The following LRRC8C variants were observed in gnomAD, a reference collection of about 807,000 sequenced individuals.
LRRC8C encodes volume-regulated anion channel subunit LRRC8C.
A neutral mutation model predicts 55.3 loss-of-function variants in LRRC8C; 20 were observed. The ratio of observed to expected loss-of-function variants is 0.36; its 90% CI spans 0.25 to 0.53. The LOEUF (loss-of-function observed/expected upper bound fraction) is 0.53, where lower values mean the gene tolerates loss of function less well. Ranked by LOEUF, LRRC8C falls within the 20% of genes least tolerant of loss-of-function variation. LRRC8C has a pLI of 0.92. For synonymous variants in LRRC8C, 376 were observed against 360.7 expected, an observed-to-expected ratio of 1.04 and a Z score of -0.48; for missense variants, 659 against 951.4, an observed-to-expected ratio of 0.69 and a Z score of 4.04.
intron 1 of LRRC8C, among the ~76,000 whole-genome samples, chr1:89,641,734 A>T (rs1656461720): frequency 6.6e-6 from 1 of 152,196 alleles, no homozygotes; most frequent in Non-Finnish European, 1.5e-5. Flanking sequence ...AGCACTATTT[A>T]TATAAACACT....
intron 2 of LRRC8C, among the ~76,000 whole-genome samples, chr1:89,702,924 G>C (rs566822583): frequency 1.3e-5 from 2 of 152,294 alleles, no homozygotes; most frequent in African/African-American, 4.8e-5. Flanking sequence ...AGAGTTCTCA[G>C]TTTACCCAGA....
At chr1:89,647,281 T>A (rs4520403) in intron 1 of LRRC8C, among the ~76,000 whole-genome samples, 20 of 151,900 alleles carry the variant, frequency 1.3e-4, no homozygotes, top group African/African-American at 4.1e-4. Flanking sequence ...TCAAAGTGCC[T>A]CCTCCTTTTT....
chr1:89,631,318 T>C (rs368852824), upstream of LRRC8C, among the ~76,000 whole-genome samples: 1 of 152,150 alleles, frequency 6.6e-6, no homozygotes. Context: ...AGGGATTTCA[T>C]CCTGGTTCAC....
intron 1 of LRRC8C, among the ~76,000 whole-genome samples, chr1:89,657,434 C>T (rs1570700247): frequency 6.6e-6 from 1 of 152,074 alleles, no homozygotes; most frequent in Non-Finnish European, 1.5e-5. Context: ...AAGTAGTGAC[C>T]ATTGTGGTTT....
rs992019428 is a variant in LRRC8C, at chr1:89,633,186, C to T, written c.-141C>T. ...AGGAAGGCGCCGCCGTGGCCGCGGC[C>T]GCAGTGCTCGGGCGCGACAAGCCAT... is the stretch of plus-strand genomic sequence containing the variant. On this transcript the variant is annotated 5_prime_UTR_variant, in exon 1 of 3. Transcript: ENST00000370454. 2.8e-4 allele frequency: 43 copies of T among 152,226 alleles called. No individual in the cohort carries two copies. The highest frequency in any genetic ancestry group is 9.9e-4 in the African/African-American group (41 of 41,520). 9.4% of individuals were successfully genotyped at this position (152,226 alleles called of 1,614,324 possible). A position where few individuals can be genotyped will look rare whatever the true frequency, so the allele number is the denominator to read the frequency against.
chr1:89,706,120 T>C (rs899909878), intron 2 of LRRC8C, among the ~76,000 whole-genome samples: 8 of 152,206 alleles, frequency 5.3e-5, no homozygotes, highest in African/African-American at 1.9e-4. Flanking sequence ...GTCTCATTCC[T>C]GTGCTTGACT....
chr1:89,660,485 C>T (rs1038729233), intron 1 of LRRC8C, among the ~76,000 whole-genome samples: 1 of 152,148 alleles, frequency 6.6e-6, no homozygotes, highest in African/African-American at 2.4e-5. Flanking sequence ...TTCCAATGTG[C>T]AGCCAAGGTT....
intron 2 of LRRC8C, among the ~76,000 whole-genome samples, chr1:89,708,853 A>C (rs1350139047): frequency 1.3e-5 from 2 of 152,146 alleles, no homozygotes; most frequent in African/African-American, 4.8e-5. Flanking sequence ...ATTCTTTTGG[A>C]ATTCTACTCA....
chr1:89,641,421 G>A (rs1247227234), intron 1 of LRRC8C, among the ~76,000 whole-genome samples: 3 of 152,104 alleles, frequency 2.0e-5, no homozygotes, highest in Non-Finnish European at 4.4e-5. Context: ...CTAGGTAGCT[G>A]GTTTCTAAGA....
intron 1 of LRRC8C, among the ~76,000 whole-genome samples, chr1:89,676,764 TAATC>T (rs1166090814): frequency 1.3e-5 from 2 of 152,190 alleles, no homozygotes. Flanking sequence ...CAGGAAACAA[TAATC>T]AACCCCATTT....
chr1:89,695,362 A>T lies in LRRC8C; in HGVS notation c.138+8751A>T, dbSNP rs987511033. ...CTTAAAATAGAATTGGCATCTCCCT[A>T]CTCAAGTTATTTTAGTTCTTAAAAG... On this transcript the variant is annotated intron_variant, in intron 2 of 2. Transcript: ENST00000370454. 2.6e-5 allele frequency among the ~76,000 whole-genome samples: 4 copies of T among 152,178 alleles called. No individual in the cohort carries two copies. The East Asian group carries it at 7.7e-4, about 29-fold the overall frequency.
At chr1:89,660,260 T>C (rs1371565610) in intron 1 of LRRC8C, among the ~76,000 whole-genome samples, 1 of 152,206 alleles carries the variant, frequency 6.6e-6, no homozygotes, top group Non-Finnish European at 1.5e-5. Flanking sequence ...CTCTGGTTTT[T>C]CCCTAAGACC....
In LRRC8C at chr1:89,713,404, A is replaced by C. The variant is rs764909156; in HGVS notation, c.834A>C (p.Ala278=). The C allele has an allele frequency of 6.2e-7, 1 of 1,614,196 alleles. No homozygotes were observed. Among genetic ancestry groups the C allele is most frequent in the Non-Finnish European group, 8.5e-7 (1 of 1,180,030 alleles). The part of the protein sequence containing the change: ...LKVIKFLIII[A]YNSALVSKVQ... Reference sequence around the variant, plus strand: ...TTATCAAATTCCTAATCATCATTGCATATAATAGTGCTCTGGTTTCCAAGG... The same window carrying C: ...TTATCAAATTCCTAATCATCATTGCCTATAATAGTGCTCTGGTTTCCAAGG... The change falls in exon 3 of 3, where the codon GCA becomes GCC. Residue 278 remains alanine, a synonymous_variant. Coordinates refer to ENST00000370454, the MANE Select transcript of LRRC8C (RefSeq NM_032270.5). This position sits in a 1 kb window ranked among gnomAD's most constrained non-coding sequence, Gnocchi z 5.2.
At chr1:89,677,926 C>T (rs1016907941) in intron 1 of LRRC8C, among the ~76,000 whole-genome samples, 5 of 152,120 alleles carry the variant, frequency 3.3e-5, no homozygotes, top group African/African-American at 1.2e-4. Flanking sequence ...CCTTTTTGCT[C>T]CTGCTTTTTA....
At chr1:89,663,596 A>G (rs551184895) in intron 1 of LRRC8C, among the ~76,000 whole-genome samples, 3 of 151,832 alleles carry the variant, frequency 2.0e-5, no homozygotes, top group Middle Eastern at 3.4e-3. Flanking sequence ...ATACATGTGC[A>G]TGTGTCTTTA....
chr1:89,651,623 A>T (rs1656785939), intron 1 of LRRC8C, among the ~76,000 whole-genome samples: 1 of 151,042 alleles, frequency 6.6e-6, no homozygotes. Context: ...TATAAACCCT[A>T]AGTATTTGCT....
chr1:89,659,064 TGTGTGTGTGTGTGTG>T (rs1657040731), intron 1 of LRRC8C, among the ~76,000 whole-genome samples: 6 of 25,848 alleles, frequency 2.3e-4, no homozygotes, highest in East Asian at 2.3e-3. Context: ...TTTTTTTTTG[TGTGTGTGTGTGTGTG>T]TGTGTGTGTG....
At chr1:89,704,630 T>G (rs537817729) in intron 2 of LRRC8C, among the ~76,000 whole-genome samples, 1 of 152,288 alleles carries the variant, frequency 6.6e-6, no homozygotes, top group South Asian at 2.1e-4. Context: ...AAGGGAGGAC[T>G]CTACCTTCTG....
chr1:89,709,751 G>GTTTTTTTTTTT (rs1553168157), intron 2 of LRRC8C, among the ~76,000 whole-genome samples: 2 of 93,094 alleles, frequency 2.1e-5, no homozygotes, highest in Non-Finnish European at 4.5e-5. Context: ...GTTTTTTTTT[G>GTTTTTTTTTTT]TTTGTTTTTT....
Sources: gnomAD v4.1 joint callset for allele counts (sites outside exome capture counted in the v4.1 genomes callset) on GRCh38, gnomAD v4.1.1 for gene constraint, Gnocchi (gnomAD v3.1) non-coding constraint, MANE v1.5 for transcripts, NCBI Gene and HGNC (gene_info 2026-07-23, HGNC 2026-07-21) for gene names.